Variants in CSMD1 observed in about 807,000 individuals in gnomAD.
CSMD1 encodes the protein CUB and Sushi multiple domains 1, also known as CUB and sushi domain-containing protein 1.
Under a neutral mutation model 417.5 loss-of-function variants are expected in CSMD1, and 213 were observed. The ratio of observed to expected loss-of-function variants is 0.51; its 90% CI spans 0.46 to 0.57. CSMD1 has a LOEUF of 0.57. Among genes scored for constraint, CSMD1 ranks in the 20% least tolerant of loss-of-function variants. The probability of loss-of-function intolerance (pLI) is 0.00; values close to 1 mark genes in which losing one functional copy is unlikely to be tolerated. For synonymous variants in CSMD1, 2,862 were observed against 1,736.8 expected (o/e 1.65, Z -16.11); for missense variants, 6,923 against 4,529.7 (o/e 1.53, Z -15.17).
chr8:3,840,081 T>C (rs1327028649), intron 5 of CSMD1, among the ~76,000 whole-genome samples: 2 of 152,188 alleles, frequency 1.3e-5, no homozygotes, highest in African/African-American at 4.8e-5. Context: ...GCTCTGCCTA[T>C]ACTTTCAATG....
intron 5 of CSMD1, among the ~76,000 whole-genome samples, chr8:3,877,845 T>C (rs1264257387): frequency 1.3e-5 from 2 of 152,194 alleles, no homozygotes; most frequent in African/African-American, 2.4e-5. Context: ...TTAAATTTTG[T>C]CTAATAATGA....
At chr8:3,948,365 C>A (rs1295260594) in intron 5 of CSMD1, among the ~76,000 whole-genome samples, 1 of 151,988 alleles carries the variant, frequency 6.6e-6, no homozygotes, top group Non-Finnish European at 1.5e-5. Flanking sequence ...GACTGAAGAG[C>A]ACTTTGGAAG....
In CSMD1 at chr8:3,296,720, G is replaced by A. The variant is rs148324121; in HGVS notation, c.3950+10975C>T. On this transcript the variant is annotated intron_variant, in intron 25 of 69. Coordinates refer to ENST00000635120, the MANE Select transcript of CSMD1 (RefSeq NM_033225.6). ...GAAAACAGGCTTGGAAGAGGTGTGC[G>A]TGAGGTGAGGATGTGCTGGCCCTGT... Among the ~76,000 whole-genome samples, 866 of 152,286 alleles carry A rather than the reference G, an allele frequency of 5.7e-3. 4 individuals carry two copies. The highest frequency in any genetic ancestry group is 7.3e-3 in the Non-Finnish European group (498 of 68,028).
intron 1 of CSMD1, among the ~76,000 whole-genome samples, chr8:4,957,816 G>C (rs762384164): frequency 1.3e-5 from 2 of 152,140 alleles, no homozygotes; most frequent in African/African-American, 4.8e-5. Flanking sequence ...TAGCTAAGTA[G>C]GTGGATAGTA....
chr8:3,092,057 G>A (rs1585325963), intron 47 of CSMD1, among the ~76,000 whole-genome samples: 1 of 152,076 alleles, frequency 6.6e-6, no homozygotes, highest in Non-Finnish European at 1.5e-5. Context: ...AGGGCTGTTT[G>A]GTAATATCCA....
rs947352200 is a variant in CSMD1, at chr8:3,219,301, C to G, written c.4626G>C (p.Arg1542=). 1.9e-6 allele frequency: 3 copies of G among 1,593,270 alleles called. No individual in the cohort carries two copies. Among genetic ancestry groups the G allele is most frequent in the African/African-American group, 2.7e-5 (2 of 74,600 alleles). The change falls in exon 29 of 70, where the codon CGG becomes CGC. Residue 1542 remains arginine (R), a synonymous_variant. Coordinates refer to ENST00000635120, the MANE Select transcript of CSMD1 (RefSeq NM_033225.6). ...SSGNSLFLAF[R]SDASVGLSGF... ...CTGAAAGGCCCACGGAGGCATCACT[C>G]CGAAATGCCAGAAACAGGCTGTTTC...
At chr8:4,670,799 A>G (rs1226383335) in intron 1 of CSMD1, among the ~76,000 whole-genome samples, 1 of 152,224 alleles carries the variant, frequency 6.6e-6, no homozygotes, top group Non-Finnish European at 1.5e-5. Context: ...AATTTGTTTC[A>G]TGTGCTCAGA....
chr8:4,070,417 G>C (rs992276164), intron 3 of CSMD1, among the ~76,000 whole-genome samples: 13 of 152,142 alleles, frequency 8.5e-5, no homozygotes, highest in Admixed American at 8.5e-4. Flanking sequence ...GAGTGCAGTG[G>C]TGGGATCTCG....
At chr8:4,782,234 T>C (rs1012409911) in intron 1 of CSMD1, among the ~76,000 whole-genome samples, 6 of 152,144 alleles carry the variant, frequency 3.9e-5, no homozygotes, top group Admixed American at 2.0e-4. Flanking sequence ...TATCTCAAAA[T>C]AGCTAGAAAA....
intron 26 of CSMD1, among the ~76,000 whole-genome samples, chr8:3,248,542 T>G (rs1270075484): frequency 6.9e-6 from 1 of 145,160 alleles, no homozygotes; most frequent in Non-Finnish European, 1.5e-5. Flanking sequence ...TTTTTTTTTT[T>G]TTTTTGAGAC....
chr8:4,061,923 T>A (rs1388456794), intron 3 of CSMD1, among the ~76,000 whole-genome samples: 14 of 152,182 alleles, frequency 9.2e-5, no homozygotes, highest in Non-Finnish European at 5.9e-5. Context: ...CAATTATGCA[T>A]TACTGACTAA....
chr8:4,410,575 A>G (rs1796596100), intron 3 of CSMD1, among the ~76,000 whole-genome samples: 1 of 152,228 alleles, frequency 6.6e-6, no homozygotes, highest in South Asian at 2.1e-4. Flanking sequence ...TTCATTTTAA[A>G]TAATGACCAA....
intron 49 of CSMD1, among the ~76,000 whole-genome samples, chr8:3,083,282 T>C (rs1814246059): frequency 6.6e-6 from 1 of 151,940 alleles, no homozygotes; most frequent in South Asian, 2.1e-4. Flanking sequence ...TATCTCTGCT[T>C]GTAAATTAAA....
chr8:4,555,829 C>G (rs932792101), intron 2 of CSMD1, among the ~76,000 whole-genome samples: 2 of 151,868 alleles, frequency 1.3e-5, no homozygotes, highest in African/African-American at 4.8e-5. Flanking sequence ...ATACTTTAAG[C>G]CAGAGTTATA....
intron 3 of CSMD1, among the ~76,000 whole-genome samples, chr8:4,063,861 A>C (rs984425684): frequency 2.6e-5 from 4 of 152,246 alleles, no homozygotes; most frequent in Non-Finnish European, 4.4e-5. Context: ...TGACTTTGTC[A>C]CATCAGCATT....
chr8:4,215,375 T>C (rs149704516), intron 3 of CSMD1, among the ~76,000 whole-genome samples: 1,707 of 152,226 alleles, frequency 0.011, 18 homozygotes, highest in Admixed American at 0.043. Flanking sequence ...AAATTTTAGA[T>C]AGAACATGAA....
chr8:3,189,240 A>T (rs1472874891), intron 34 of CSMD1, among the ~76,000 whole-genome samples: 2 of 152,262 alleles, frequency 1.3e-5, no homozygotes, highest in Admixed American at 6.5e-5. Context: ...TCTATAAATA[A>T]ATCTATCCAA....
At position 4,387,630 on chromosome 8, in the gene CSMD1, T is replaced by A. The variant is rs550034523; in HGVS notation, c.415+32323A>T. The stretch of plus-strand genomic sequence containing the variant: ...TGGAAGTATTTTTAAGAATTTAATA[T>A]GAAACCATTTACAATAATTAAAAAT... On this transcript the variant is annotated intron_variant, in intron 3 of 69. Transcript: ENST00000635120. 2.2e-5 allele frequency among the ~76,000 whole-genome samples: 3 copies of A among 135,446 alleles called. No homozygotes were observed. In the South Asian group the frequency reaches 7.1e-4, roughly 32 times the overall value. 88.9% of individuals were successfully genotyped at this position (135,446 alleles called of 152,430 possible). A position where few individuals can be genotyped will look rare whatever the true frequency, so the allele number is the denominator to read the frequency against.
chr8:4,501,344 A>G (rs1802250004), intron 2 of CSMD1, among the ~76,000 whole-genome samples: 1 of 152,308 alleles, frequency 6.6e-6, no homozygotes, highest in Non-Finnish European at 1.5e-5. Context: ...TCATCATCTC[A>G]TTTAAGGTAT....
Sources: allele counts gnomAD v4.1 joint callset (sites outside exome capture counted in the v4.1 genomes callset), GRCh38; gene constraint gnomAD v4.1.1; transcripts MANE v1.5; gene names NCBI Gene and HGNC (gene_info 2026-07-23, HGNC 2026-07-21).